ANKRD55: variants seen among roughly 807,000 people sequenced by gnomAD.
The protein encoded by ANKRD55 is ankyrin repeat domain-containing protein 55.
Under a neutral mutation model 60.6 loss-of-function variants are expected in ANKRD55, and 41 were observed. That is an observed-to-expected ratio of 0.68 (90% CI 0.53 to 0.88). The LOEUF (loss-of-function observed/expected upper bound fraction) is 0.88. Ranked by LOEUF, ANKRD55 falls within the 40% of genes least tolerant of loss-of-function variation. The probability of loss-of-function intolerance (pLI) is 0.00; values close to 1 mark genes in which losing one functional copy is unlikely to be tolerated. For missense variants in ANKRD55, 732 were observed against 767.6 expected (o/e 0.95, Z 0.55); for synonymous variants, 264 against 290.3 (o/e 0.91, Z 0.92).
At chr5:56,213,728 T>G (rs553630384) in intron 2 of ANKRD55, among the ~76,000 whole-genome samples, 7 of 152,214 alleles carry the variant, frequency 4.6e-5, no homozygotes, top group African/African-American at 1.2e-4. Context: ...CCAGAAGGCG[T>G]CGTAGTCTCG....
chr5:56,197,257 A>G (rs1175308791), intron 2 of ANKRD55, among the ~76,000 whole-genome samples: 1 of 152,218 alleles, frequency 6.6e-6, no homozygotes, highest in South Asian at 2.1e-4. Context: ...GACTAATATC[A>G]GGGTCCACGA....
At chr5:56,221,379 C>T (rs1561297991) in intron 2 of ANKRD55, among the ~76,000 whole-genome samples, 2 of 152,168 alleles carry the variant, frequency 1.3e-5, no homozygotes, top group African/African-American at 4.8e-5. Flanking sequence ...TCCAAGATGG[C>T]CAAATAGGAA....
intron 6 of ANKRD55, 99 bp from the exon 7 acceptor site, chr5:56,144,028 A>T: frequency 1.3e-6 from 2 of 1,500,596 alleles, no homozygotes; most frequent in Non-Finnish European, 1.8e-6. Context: ...CCATCACCAG[A>T]TGCGTTGGTT....
chr5:56,112,525 A>G (rs71624113), intron 9 of ANKRD55, among the ~76,000 whole-genome samples: 2 of 147,990 alleles, frequency 1.4e-5, no homozygotes, highest in African/African-American at 2.5e-5. Flanking sequence ...AAAAAAAACA[A>G]CCAAGGAAAG....
In ANKRD55 at chr5:56,176,260, C is replaced by T. The variant is rs142262602; in HGVS notation, c.204G>A (p.Ala68=). Residue 68 remains alanine, a synonymous_variant, in exon 4 of 12, where the codon GCG becomes GCA. Transcript: ENST00000341048. ...DSEGCTPLMH[A]VSGRQADTVK... ...CTGTGTCCGCTTGACGTCCAGAAAC[C>T]GCATGCATCAAGGGCGTGCATCCTG... 140 of 1,614,204 alleles carry T rather than the reference C, an allele frequency of 8.7e-5. No individual in the cohort carries two copies. Among genetic ancestry groups the T allele is most frequent in the Middle Eastern group, 1.6e-4 (1 of 6,062 alleles).
Position 56,111,390 on chromosome 5 carries a change from G to T in ANKRD55, c.1358C>A (p.Ala453Asp), listed in dbSNP as rs138465010. The T allele has an allele frequency of 1.0e-4, 162 of 1,614,048 alleles. No homozygotes were observed. Among genetic ancestry groups the T allele is most frequent in the Non-Finnish European group, 1.1e-4 (134 of 1,180,054 alleles). The change falls in exon 10 of 12, where the codon GCC (alanine) becomes GAC (aspartate). Residue 453 changes from alanine (A) to aspartate (D), a missense_variant. Ala to Asp is a moderately radical substitution (Grantham distance 126). Coordinates refer to ENST00000341048, the MANE Select transcript of ANKRD55 (RefSeq NM_024669.3). ...AGAGCTCAGGCCTGCATGGGAAGTG[G>T]CCCTATGGGAGGCTGTTAGGAAGTT... ...GNNFLTASHRATSHAGLSSAP... is the reference protein window; with the variant it reads ...GNNFLTASHRDTSHAGLSSAP...
At chr5:56,203,844 T>A (rs944266313) in intron 2 of ANKRD55, among the ~76,000 whole-genome samples, 1 of 152,240 alleles carries the variant, frequency 6.6e-6, no homozygotes. Flanking sequence ...CCTTTGGGTA[T>A]ATACCCAGTA....
At chr5:56,117,331 A>G (rs1293801037) in intron 8 of ANKRD55, among the ~76,000 whole-genome samples, 4 of 152,186 alleles carry the variant, frequency 2.6e-5, no homozygotes, top group Non-Finnish European at 5.9e-5. Flanking sequence ...TTTTTCTATT[A>G]AAGTATAAGT....
chr5:56,182,968 C>G (rs898498036), intron 3 of ANKRD55, among the ~76,000 whole-genome samples: 13 of 152,090 alleles, frequency 8.5e-5, no homozygotes, highest in African/African-American at 3.1e-4. Flanking sequence ...TTGGTCTGTG[C>G]CTGTTGACAT....
At chr5:56,171,482 T>C (rs1284425243) in intron 4 of ANKRD55, among the ~76,000 whole-genome samples, 2 of 152,176 alleles carry the variant, frequency 1.3e-5, no homozygotes, top group Non-Finnish European at 2.9e-5. Flanking sequence ...TGGGTCATCT[T>C]CTCATTGTCT....
At chr5:56,212,528 A>G (rs988148293) in intron 2 of ANKRD55, among the ~76,000 whole-genome samples, 1 of 152,230 alleles carries the variant, frequency 6.6e-6, no homozygotes, top group Non-Finnish European at 1.5e-5. Flanking sequence ...TTAATAGCTA[A>G]CTTTTACAGA....
At chr5:56,158,526 A>G (rs1462580210) in intron 6 of ANKRD55, among the ~76,000 whole-genome samples, 1 of 152,234 alleles carries the variant, frequency 6.6e-6, no homozygotes, top group Non-Finnish European at 1.5e-5. Context: ...TTAGTGTCTG[A>G]GCCACCTTCC....
rs1222619659 is a variant in ANKRD55, at chr5:56,107,137, A to G, written c.1630+3981T>C. ...TCCATTTTTGAAACCCTATGACTGT[A>G]TCTAAACATGAGAAGAAAGTCAATT... is the stretch of plus-strand genomic sequence containing the variant. On this transcript the variant is annotated intron_variant, in intron 10 of 11. Coordinates refer to ENST00000341048, the MANE Select transcript of ANKRD55 (RefSeq NM_024669.3). Among the ~76,000 whole-genome samples the G allele has an allele frequency of 2.0e-5, 3 of 152,102 alleles. No individual in the cohort carries two copies. The East Asian group carries it at 5.8e-4, about 29-fold the overall frequency.
At chr5:56,200,628 G>A (rs1759341164) in intron 2 of ANKRD55, among the ~76,000 whole-genome samples, 1 of 152,120 alleles carries the variant, frequency 6.6e-6, no homozygotes, top group Non-Finnish European at 1.5e-5. Flanking sequence ...GGAGCTCTTT[G>A]GGAAAGCCCT....
At chr5:56,185,716 T>C (rs191407605) in intron 2 of ANKRD55, among the ~76,000 whole-genome samples, 44 of 152,172 alleles carry the variant, frequency 2.9e-4, no homozygotes, top group African/African-American at 1.1e-3. Context: ...TTAAGTTGTG[T>C]TTTTCTGCTA....
intron 11 of ANKRD55, among the ~76,000 whole-genome samples, chr5:56,100,917 G>C (rs1171201523): frequency 6.6e-6 from 1 of 152,136 alleles, no homozygotes; most frequent in East Asian, 1.9e-4. Context: ...TTAAAGACAG[G>C]TTCGGGCTTG....
At chr5:56,140,182 G>A (rs139998358) in intron 7 of ANKRD55, among the ~76,000 whole-genome samples, 193 of 152,264 alleles carry the variant, frequency 1.3e-3, no homozygotes, top group African/African-American at 4.2e-3. Context: ...AGACTCATTC[G>A]TATGGAAAAA....
At chr5:56,149,594 G>A (rs558037583) in intron 6 of ANKRD55, among the ~76,000 whole-genome samples, 13 of 152,280 alleles carry the variant, frequency 8.5e-5, no homozygotes, top group East Asian at 3.9e-4. Context: ...CATCATAGCA[G>A]GGATGAAGCC....
Position 56,111,722 on chromosome 5 carries a change from C to T in ANKRD55, c.1026G>A (p.Arg342=), listed in dbSNP as rs1458294191. Residue 342 remains arginine (R), a synonymous_variant, in exon 10 of 12, where the codon CGG becomes CGA. Transcript: ENST00000341048. ...QSSRPQKKER[R]FNVLNQIFCK... is the part of the protein sequence containing the mutation. ...AGAATATTTGGTTGAGCACGTTGAA[C>T]CGTCTCTCCTTCTTCTGGGGCCGAC... 2 of 1,518,026 alleles carry T rather than the reference C, an allele frequency of 1.3e-6. No homozygotes were observed. Among genetic ancestry groups the T allele is most frequent in the Non-Finnish European group, 1.8e-6 (2 of 1,137,806 alleles). The allele number at this position is 1,518,026 out of a possible 1,614,324, so 94.0% of individuals were successfully genotyped here.
Sources: gnomAD v4.1 joint callset for allele counts (sites outside exome capture counted in the v4.1 genomes callset) on GRCh38, gnomAD v4.1.1 for gene constraint, MANE v1.5 for transcripts, NCBI Gene and HGNC (gene_info 2026-07-23, HGNC 2026-07-21) for gene names.